Variants in FAM168B observed in about 807,000 individuals in gnomAD.
The protein encoded by FAM168B is family with sequence similarity 168 member B.
In FAM168B, 19 loss-of-function variants were observed where a neutral mutation model predicts 21.8. The ratio of observed to expected loss-of-function variants is 0.87; its 90% confidence interval spans 0.61 to 1.28. FAM168B has a LOEUF of 1.28. FAM168B is among the 50% of genes most tolerant of loss of function. The pLI, the probability that FAM168B is intolerant of heterozygous loss-of-function variation, is 0.00. For missense variants in FAM168B, 233 were observed against 263.1 expected (o/e 0.89, Z 0.79); for synonymous variants, 126 against 104.8 (o/e 1.20, Z -1.24).
At chr2:131,083,042 G>A (rs1051957438) in intron 1 of FAM168B, among the ~76,000 whole-genome samples, 3 of 151,898 alleles carry the variant, frequency 2.0e-5, no homozygotes, top group Admixed American at 2.0e-4. Flanking sequence ...CCAACATGGT[G>A]AAACCCCATC....
intron 2 of FAM168B, among the ~76,000 whole-genome samples, chr2:131,079,104 T>G (rs1265322816): frequency 6.6e-6 from 1 of 152,026 alleles, no homozygotes; most frequent in Non-Finnish European, 1.5e-5. Flanking sequence ...TGTGATTAAG[T>G]GAAGGATCTT....
At position 131,055,387 on chromosome 2, in the gene FAM168B, C is replaced by T. The variant is rs368726362; in HGVS notation, c.360G>A (p.Thr120=). Residue 120 remains threonine, a synonymous_variant, in exon 5 of 7, where the codon ACG becomes ACA. Transcript: ENST00000389915. ...CAGGCATGCCGTTGGGCTGCACCAC[C>T]GTGGTGTGGTGGATGACGTGAGGAG... is the stretch of plus-strand genomic sequence containing the variant. ...AAPPHVIHHT[T]VVQPNGMPAT... is the part of the protein sequence containing the mutation. 2.1e-4 allele frequency: 330 copies of T among 1,605,270 alleles called. 1 individual carries two copies. The African/African-American group carries it at 3.7e-3, about 18-fold the overall frequency.
rs529611016 is a variant in FAM168B at position 131,048,935 on chromosome 2, G to A, written c.*3530C>T. ...TGGACACATCCAACAGTCAGCTGTC[G>A]GATAAGGTGAAGGTGGCCCAACTGC... On this transcript the variant is annotated 3_prime_UTR_variant, in exon 7 of 7. Coordinates refer to ENST00000389915, the MANE Select transcript of FAM168B (RefSeq NM_001009993.4). The A allele has an allele frequency of 7.1e-6, 7 of 985,856 alleles. No individual in the cohort carries two copies. In the East Asian group the frequency reaches 4.5e-4, roughly 64 times the overall value. The allele number at this position is 985,856 out of a possible 1,614,324, so 61.1% of individuals were successfully genotyped here.
chr2:131,078,078 G>A (rs746604636), intron 2 of FAM168B, among the ~76,000 whole-genome samples: 3 of 152,158 alleles, frequency 2.0e-5, no homozygotes, highest in Non-Finnish European at 2.9e-5. Flanking sequence ...GACATCATCA[G>A]TGAAACCACC....
In FAM168B at chr2:131,051,168, G is replaced by T; in HGVS notation, c.*1297C>A. 1.0e-6 allele frequency: 1 copy of T among 985,334 alleles called. No individual in the cohort carries two copies. The highest frequency in any genetic ancestry group is 4.7e-5 in the South Asian group (1 of 21,280). 61.0% of individuals were successfully genotyped at this position (985,334 alleles called of 1,614,324 possible). On this transcript the variant is annotated 3_prime_UTR_variant, in exon 7 of 7. Transcript: ENST00000389915. The stretch of plus-strand genomic sequence containing the variant: ...AGCTGCAAAAGAGATGGCAGGAGAG[G>T]CTCGCAGACAACAGACACTGGCCTC...
intron 2 of FAM168B, among the ~76,000 whole-genome samples, chr2:131,077,045 G>A (rs12617919): frequency 0.17 from 25,289 of 151,698 alleles, 2,471 homozygotes; most frequent in African/African-American, 0.27. Context: ...CCAGCTCTAG[G>A]AACCCACCCT....
intron 2 of FAM168B, among the ~76,000 whole-genome samples, chr2:131,081,354 C>G (rs1471503848): frequency 6.6e-6 from 1 of 152,182 alleles, no homozygotes; most frequent in Non-Finnish European, 1.5e-5. Context: ...GCAGGAAGCC[C>G]ACGCAACCTG....
chr2:131,071,484 T>G (rs1692866819), intron 3 of FAM168B, among the ~76,000 whole-genome samples: 1 of 152,214 alleles, frequency 6.6e-6, no homozygotes, highest in South Asian at 2.1e-4. Context: ...TTAAAAAATA[T>G]TATCAGAGTG....
chr2:131,064,971 G>A (rs1692482356), intron 3 of FAM168B, among the ~76,000 whole-genome samples: 1 of 152,140 alleles, frequency 6.6e-6, no homozygotes, highest in African/African-American at 2.4e-5. Context: ...TAATTCCAGG[G>A]ACACCGCAGT....
intron 2 of FAM168B, among the ~76,000 whole-genome samples, chr2:131,078,798 C>A (rs771843815): frequency 6.6e-6 from 1 of 151,394 alleles, no homozygotes; most frequent in Non-Finnish European, 1.5e-5. Flanking sequence ...CTGGGCAACA[C>A]AGTGAGACCC....
At chr2:131,071,710 G>A in intron 3 of FAM168B, 145 bp downstream of exon 3, 1 of 677,226 alleles carries the variant, frequency 1.5e-6, no homozygotes, top group Non-Finnish European at 2.6e-6. Flanking sequence ...TTAAGCTTTT[G>A]TTGCACTTAT....
chr2:131,059,804 G>A (rs944920683), intron 3 of FAM168B, among the ~76,000 whole-genome samples: 1 of 152,104 alleles, frequency 6.6e-6, no homozygotes, highest in African/African-American at 2.4e-5. Context: ...AAAATTTTTA[G>A]GTGTGACAAT....
intron 2 of FAM168B, among the ~76,000 whole-genome samples, chr2:131,079,866 C>T (rs554275514): frequency 1.3e-5 from 2 of 152,202 alleles, no homozygotes; most frequent in East Asian, 3.9e-4. Flanking sequence ...CTTGTAATCC[C>T]AACACTTTGG....
chr2:131,083,386 A>G (rs955908791), intron 1 of FAM168B, among the ~76,000 whole-genome samples: 1 of 152,118 alleles, frequency 6.6e-6, no homozygotes, highest in Non-Finnish European at 1.5e-5. Flanking sequence ...AAAAACAAAC[A>G]AAAATTAGCC....
chr2:131,060,945 G>A lies in FAM168B; in HGVS notation c.155-5250C>T, dbSNP rs1227482703. On this transcript the variant is annotated intron_variant, in intron 3 of 6. Transcript: ENST00000389915. ...CAGCTCACTGCAAACTCCGCCTCCC[G>A]GGTTCACGCCATTCTCCTGCCTCAG... Among the ~76,000 whole-genome samples the A allele has an allele frequency of 1.5e-4, 23 of 151,714 alleles. 1 individual carries two copies. In the East Asian group the frequency reaches 3.9e-3, roughly 26 times the overall value.
intron 2 of FAM168B, among the ~76,000 whole-genome samples, chr2:131,081,985 G>A (rs1325316117): frequency 6.6e-6 from 1 of 152,110 alleles, no homozygotes; most frequent in Non-Finnish European, 1.5e-5. Context: ...CTTGTGCAAA[G>A]TCACCGAAGG....
chr2:131,055,161 A>G, intron 5 of FAM168B, 111 bp downstream of exon 5: 3 of 1,088,014 alleles, frequency 2.8e-6, no homozygotes, highest in Non-Finnish European at 3.7e-6. Context: ...GTCCTTCCAC[A>G]CAACTACAGC....
At chr2:131,063,255 A>G (rs1303923837) in intron 3 of FAM168B, among the ~76,000 whole-genome samples, 1 of 152,166 alleles carries the variant, frequency 6.6e-6, no homozygotes, top group Non-Finnish European at 1.5e-5. Context: ...TGACATCTGA[A>G]ATTTTTTACA....
chr2:131,048,813 C>T lies in FAM168B; in HGVS notation c.*3652G>A. The T allele has an allele frequency of 1.0e-6, 1 of 986,178 alleles. No homozygotes were observed. The highest frequency in any genetic ancestry group is 1.2e-6 in the Non-Finnish European group (1 of 830,190). 61.1% of individuals were successfully genotyped at this position (986,178 alleles called of 1,614,324 possible). On this transcript the variant is annotated 3_prime_UTR_variant, in exon 7 of 7. Coordinates refer to ENST00000389915, the MANE Select transcript of FAM168B (RefSeq NM_001009993.4). The stretch of plus-strand genomic sequence containing the variant: ...CTCAGAAAGCACCAGAGAGGAGGAC[C>T]AGACGCTGCCACCCACCTCAAGCCA...
Sources: allele counts gnomAD v4.1 joint callset (sites outside exome capture counted in the v4.1 genomes callset), GRCh38; gene constraint gnomAD v4.1.1; transcripts MANE v1.5; gene names NCBI Gene and HGNC (gene_info 2026-07-23, HGNC 2026-07-21).